SLC8A1: variants seen among roughly 807,000 people sequenced by gnomAD.
SLC8A1 encodes solute carrier family 8 member A1.
In SLC8A1, 18 loss-of-function variants were observed where a neutral mutation model predicts 68.3. The observed-to-expected ratio is 0.26, with a 90% confidence interval of 0.18 to 0.39. SLC8A1 has a LOEUF of 0.39. SLC8A1 is among the 10% of genes least tolerant of loss of function. The pLI is 1.00. For synonymous variants in SLC8A1, 475 were observed against 415.5 expected, an observed-to-expected ratio of 1.14 and a Z score of -1.74; for missense variants, 985 against 1,156.7, an observed-to-expected ratio of 0.85 and a Z score of 2.15.
chr2:40,134,177 C>T (rs1383152475), intron 7 of SLC8A1, among the ~76,000 whole-genome samples: 4 of 151,794 alleles, frequency 2.6e-5, no homozygotes, highest in Admixed American at 6.6e-5. Flanking sequence ...CTGCAACCTC[C>T]GCCTCCCGGG....
At position 40,251,990 on chromosome 2, in the gene SLC8A1, A is replaced by G. The variant is rs764869736; in HGVS notation, c.1809-74135T>C. Among the ~76,000 whole-genome samples the G allele has an allele frequency of 5.9e-5, 9 of 152,168 alleles. No homozygotes were observed. The East Asian group carries it at 7.7e-4, about 13-fold the overall frequency. On this transcript the variant is annotated intron_variant, in intron 2 of 7. Transcript: ENST00000406785. ...ATGCTATTATAAAGTTTAGTGAGAAAAAAGTTTGTTTTTATATAACCATAT... is the reference window on the plus strand; with the variant it reads ...ATGCTATTATAAAGTTTAGTGAGAAGAAAGTTTGTTTTTATATAACCATAT...
At chr2:40,352,429 G>A (rs1671384299) in intron 2 of SLC8A1, among the ~76,000 whole-genome samples, 2 of 152,248 alleles carry the variant, frequency 1.3e-5, no homozygotes, top group South Asian at 4.1e-4. Flanking sequence ...GGAAATGGAT[G>A]TTCTATTCAT....
chr2:40,415,873 C>T (rs1400945338), intron 2 of SLC8A1, among the ~76,000 whole-genome samples: 1 of 136,730 alleles, frequency 7.3e-6, no homozygotes, highest in Non-Finnish European at 1.5e-5. Context: ...CACACACACA[C>T]ACACACACAC....
chr2:40,449,108 G>T (rs767647382), intron 1 of SLC8A1, among the ~76,000 whole-genome samples: 1 of 149,564 alleles, frequency 6.7e-6, no homozygotes, highest in Non-Finnish European at 1.5e-5. Context: ...TACCTAAAAG[G>T]CATCACAAAG....
chr2:40,472,168 C>G (rs1204427647), intron 1 of SLC8A1, among the ~76,000 whole-genome samples: 1 of 152,158 alleles, frequency 6.6e-6, no homozygotes, highest in Non-Finnish European at 1.5e-5. Flanking sequence ...ATATGACAAC[C>G]TTGCAGTAAA....
At chr2:40,322,946 T>A (rs1294296562) in intron 2 of SLC8A1, among the ~76,000 whole-genome samples, 1 of 152,086 alleles carries the variant, frequency 6.6e-6, no homozygotes, top group Non-Finnish European at 1.5e-5. Flanking sequence ...TAGAGACATA[T>A]TTAGCGTTGT....
intron 2 of SLC8A1, among the ~76,000 whole-genome samples, chr2:40,239,599 C>T (rs2060929730): frequency 6.6e-6 from 1 of 152,124 alleles, no homozygotes; most frequent in East Asian, 1.9e-4. Flanking sequence ...TGTGCTGCCT[C>T]GTGAAATACA....
At chr2:40,115,177 G>A (rs2035089544) in exon 8 of SLC8A1, 2 of 1,061,756 alleles carry the variant, frequency 1.9e-6, no homozygotes, top group Admixed American at 7.0e-5. Context: ...ACAAATGTCA[G>A]TTTCCTCTGT....
intron 1 of SLC8A1, among the ~76,000 whole-genome samples, chr2:40,462,217 G>A (rs1216463589): frequency 6.6e-6 from 1 of 151,406 alleles, no homozygotes; most frequent in Non-Finnish European, 1.5e-5. Context: ...ATGTTTGCCA[G>A]GCTGGTCTCA....
Position 40,387,080 on chromosome 2 carries a change from G to C in SLC8A1, c.1808+41393C>G, listed in dbSNP as rs1683801358. Reference sequence around the variant, plus strand: ...CTTTATGAAGATCCAAAGAATGAATGATTCATTGGAAACAAGTATGTTCCA... The same window carrying C: ...CTTTATGAAGATCCAAAGAATGAATCATTCATTGGAAACAAGTATGTTCCA... On this transcript the variant is annotated intron_variant, in intron 2 of 7. Transcript: ENST00000406785. 4.6e-5 allele frequency among the ~76,000 whole-genome samples: 7 copies of C among 151,538 alleles called. No individual in the cohort carries two copies. The South Asian group carries it at 1.5e-3, about 31-fold the overall frequency.
In SLC8A1 at chr2:40,391,957, G is replaced by A. The variant is rs138560770; in HGVS notation, c.1808+36516C>T. ...TAGTTCTGCATAAATACAAAGTATCGATGATCAAATTTGACTTATTTCTTC... is the reference window on the plus strand; with the variant it reads ...TAGTTCTGCATAAATACAAAGTATCAATGATCAAATTTGACTTATTTCTTC... On this transcript the variant is annotated intron_variant, in intron 2 of 7. Transcript: ENST00000406785. 5.3e-5 allele frequency among the ~76,000 whole-genome samples: 8 copies of A among 151,888 alleles called. No homozygotes were observed. The East Asian group carries it at 9.7e-4, about 18-fold the overall frequency.
At chr2:40,362,894 A>G (rs772147411) in intron 2 of SLC8A1, among the ~76,000 whole-genome samples, 1 of 152,082 alleles carries the variant, frequency 6.6e-6, no homozygotes, top group Non-Finnish European at 1.5e-5. Flanking sequence ...GTGACCTAGA[A>G]CTCAAAGAAA....
chr2:40,281,189 G>C (rs2067462880), intron 2 of SLC8A1, among the ~76,000 whole-genome samples: 2 of 152,040 alleles, frequency 1.3e-5, no homozygotes, highest in African/African-American at 4.8e-5. Context: ...GGATGGGGCA[G>C]AAGAAAGTCT....
At chr2:40,409,774 T>C (rs1008582386) in intron 2 of SLC8A1, among the ~76,000 whole-genome samples, 7 of 152,136 alleles carry the variant, frequency 4.6e-5, no homozygotes, top group Admixed American at 4.6e-4. Flanking sequence ...TCCACCATTA[T>C]CCATCTAAAA....
intron 2 of SLC8A1, among the ~76,000 whole-genome samples, chr2:40,222,234 C>T (rs932661269): frequency 3.3e-5 from 5 of 151,988 alleles, no homozygotes; most frequent in Admixed American, 3.3e-4. Context: ...TATCTACAAC[C>T]ATCTGATCTT....
At chr2:40,364,419 T>A (rs558934545) in intron 2 of SLC8A1, among the ~76,000 whole-genome samples, 1 of 149,546 alleles carries the variant, frequency 6.7e-6, no homozygotes, top group East Asian at 1.9e-4. Context: ...AAAATGTAAG[T>A]ACAGTAAGCT....
At chr2:40,175,281 G>C in intron 3 of SLC8A1, 1 of 1,612,884 alleles carries the variant, frequency 6.2e-7, no homozygotes, top group Non-Finnish European at 8.5e-7. Context: ...CAATAACAGG[G>C]CTGTGAAGGA....
chr2:40,260,032 C>T (rs2064477184), intron 2 of SLC8A1, among the ~76,000 whole-genome samples: 1 of 152,220 alleles, frequency 6.6e-6, no homozygotes, highest in Admixed American at 6.5e-5. Context: ...ATTACAAGTA[C>T]AGTGTGAACA....
intron 4 of SLC8A1, among the ~76,000 whole-genome samples, chr2:40,172,511 G>C (rs1481082304): frequency 6.6e-6 from 1 of 151,874 alleles, no homozygotes; most frequent in African/African-American, 2.4e-5. Context: ...TTGTGGCCGA[G>C]GCAGGAAAAG....
Sources: allele counts gnomAD v4.1 joint callset (sites outside exome capture counted in the v4.1 genomes callset), GRCh38; gene constraint gnomAD v4.1.1; transcripts MANE v1.5; gene names NCBI Gene and HGNC (gene_info 2026-07-23, HGNC 2026-07-21).